Variants in OR4F15 observed in about 807,000 individuals in gnomAD.
The protein encoded by OR4F15 is olfactory receptor 4F15.
Under a neutral mutation model 11.9 loss-of-function variants are expected in OR4F15, and 7 were observed. That is an observed-to-expected ratio of 0.59 (90% confidence interval 0.33 to 1.10). The LOEUF is 1.10. Among genes scored for constraint, OR4F15 ranks in the 50% least tolerant of loss-of-function variants. The pLI, the probability that OR4F15 is intolerant of heterozygous loss-of-function variation, is 0.03. For missense variants in OR4F15, 445 were observed against 377.5 expected (o/e 1.18, Z -1.48); for synonymous variants, 151 against 134.6 (o/e 1.12, Z -0.84).
intron 1 of OR4F15, among the ~76,000 whole-genome samples, chr15:101,812,537 T>TCCAGAGA (rs1902924401): frequency 1.3e-5 from 2 of 152,132 alleles, no homozygotes; most frequent in Admixed American, 1.3e-4. Flanking sequence ...TTTGGGGAAA[T>TCCAGAGA]CTATTAGCCC....
intron 1 of OR4F15, among the ~76,000 whole-genome samples, chr15:101,816,510 G>A (rs1902991547): frequency 6.6e-6 from 1 of 151,886 alleles, no homozygotes; most frequent in South Asian, 2.1e-4. Flanking sequence ...GTGTGTGTGT[G>A]GTAAGCCACT....
chr15:101,817,809 C>T (rs527799203), intron 1 of OR4F15, among the ~76,000 whole-genome samples: 2 of 152,262 alleles, frequency 1.3e-5, no homozygotes, highest in Non-Finnish European at 2.9e-5. Flanking sequence ...AAATCATATC[C>T]ATTGATAAGA....
Position 101,818,353 on chromosome 15 carries a change from A to G in OR4F15, c.167A>G (p.His56Arg), listed in dbSNP as rs750692340. 1.2e-6 allele frequency: 2 copies of G among 1,613,882 alleles called. No homozygotes were observed. The highest frequency in any genetic ancestry group is 1.7e-6 in the Non-Finnish European group (2 of 1,179,986). The stretch of plus-strand genomic sequence containing the variant: ...ACTGTAACCATGGATGCTCATCTGC[A>G]CTCCCCCATGTATTTCCTCCTGGCT... ...VFTVTMDAHL[H>R]SPMYFLLANL... The change falls in exon 2 of 2, where the codon CAC becomes CGC. Residue 56 changes from histidine (H) to arginine (R), a missense_variant. Transcript: ENST00000332238.
At position 101,818,968 on chromosome 15, in the gene OR4F15, C is replaced by G. The variant is rs1211539537; in HGVS notation, c.782C>G (p.Pro261Arg). The change falls in exon 2 of 2, where the codon CCT (proline) becomes CGT (arginine). Residue 261 changes from proline (P) to arginine (R), a missense_variant. Coordinates refer to ENST00000332238, the MANE Select transcript of OR4F15 (RefSeq NM_001001674.2). ...FGPLMFFYTWPSPTSHLDKYL... is the reference protein window; with the variant it reads ...FGPLMFFYTWRSPTSHLDKYL... ...CCACTGATGTTTTTCTACACATGGC[C>G]TTCTCCCACATCACACCTGGATAAA... 1 of 1,614,016 alleles carries G rather than the reference C, an allele frequency of 6.2e-7. No homozygotes were observed. Among genetic ancestry groups the G allele is most frequent in the African/African-American group, 1.3e-5 (1 of 74,898 alleles).
At chr15:101,812,977 G>A (rs1003529298) in intron 1 of OR4F15, among the ~76,000 whole-genome samples, 1 of 152,176 alleles carries the variant, frequency 6.6e-6, no homozygotes, top group African/African-American at 2.4e-5. Context: ...AAGATAAAGA[G>A]GTAGAAGATG....
Position 101,818,632 on chromosome 15 carries a change from C to T in OR4F15, c.446C>T (p.Ser149Phe), listed in dbSNP as rs61737725. ...TGTCTATACTTTTTAGCCACTTCCT[C>T]TATCATTGGCCTTATCCACTCATTG... Reference protein sequence around the residue: ...RMCLYFLATSSIIGLIHSLVQ... With the variant: ...RMCLYFLATSFIIGLIHSLVQ... Residue 149 changes from serine (S) to phenylalanine (F), a missense_variant, in exon 2 of 2, where the codon TCT (serine) becomes TTT (phenylalanine). Physicochemically the swap from Ser to Phe is radical, Grantham distance 155. Transcript: ENST00000332238. 1,857 of 1,614,128 alleles carry T rather than the reference C, an allele frequency of 1.2e-3. 22 individuals carry two copies. In the African/African-American group the frequency reaches 0.021, roughly 18 times the overall value.
rs1903023659 is a variant in OR4F15, at chr15:101,818,164, A to T, written c.-23A>T. 6.7e-7 allele frequency: 1 copy of T among 1,488,942 alleles called. No individual in the cohort carries two copies. The highest frequency in any genetic ancestry group is 9.2e-7 in the Non-Finnish European group (1 of 1,081,204). The allele number at this position is 1,488,942 out of a possible 1,614,324, so 92.2% of individuals were successfully genotyped here. ...TCTTCCTTCAGGTAAGTAACATGAAAACTGATCTTGGAGTCTGAGGCAATG... is the reference window on the plus strand; with the variant it reads ...TCTTCCTTCAGGTAAGTAACATGAATACTGATCTTGGAGTCTGAGGCAATG... On this transcript the variant is annotated 5_prime_UTR_variant, in exon 2 of 2. Coordinates refer to ENST00000332238, the MANE Select transcript of OR4F15 (RefSeq NM_001001674.2).
rs768346311 is a variant in OR4F15, at chr15:101,818,138, T to G, written c.-37-12T>G. 2 of 1,212,092 alleles carry G rather than the reference T, an allele frequency of 1.7e-6. No individual in the cohort carries two copies. Among genetic ancestry groups the G allele is most frequent in the East Asian group, 2.3e-5 (1 of 42,752 alleles). 75.1% of individuals were successfully genotyped at this position (1,212,092 alleles called of 1,614,324 possible). A position where few individuals can be genotyped will look rare whatever the true frequency, so the allele number is the denominator to read the frequency against. ...CCTAGGTAATTCTTTCTCATTTTCT[T>G]TCTTCCTTCAGGTAAGTAACATGAA... On this transcript the variant is annotated splice_polypyrimidine_tract_variant and intron_variant, in intron 1 of 1. Transcript: ENST00000332238.
In OR4F15 at chr15:101,818,741, C is replaced by T. The variant is rs922091161; in HGVS notation, c.555C>T (p.Leu185=). Reference sequence around the variant, plus strand: ...TTTACTGTGATCTCCCTCGGCTCCTCAGACTTGCCTGTACCAACACCCAAG... The same window carrying T: ...TTTACTGTGATCTCCCTCGGCTCCTTAGACTTGCCTGTACCAACACCCAAG... The part of the protein sequence containing the change: ...DSFYCDLPRL[L]RLACTNTQEL... The change falls in exon 2 of 2, where the codon CTC becomes CTT. Residue 185 remains leucine, a synonymous_variant. Transcript: ENST00000332238. 12 of 1,614,054 alleles carry T rather than the reference C, an allele frequency of 7.4e-6. No individual in the cohort carries two copies. Among genetic ancestry groups the T allele is most frequent in the Non-Finnish European group, 7.6e-6 (9 of 1,180,032 alleles).
intron 1 of OR4F15, among the ~76,000 whole-genome samples, chr15:101,815,001 C>A (rs1184577017): frequency 1.3e-5 from 2 of 152,098 alleles, no homozygotes; most frequent in East Asian, 1.9e-4. Flanking sequence ...TTCATGGAAG[C>A]CTTAATAGCA....
rs373820370 is a variant in OR4F15 at position 101,819,094 on chromosome 15, G to A, written c.908G>A (p.Ser303Asn). Residue 303 changes from serine to asparagine, a missense_variant, in exon 2 of 2, where the codon AGT becomes AAT. Physicochemically the swap from Ser to Asn is conservative, Grantham distance 46. Transcript: ENST00000332238. Reference protein sequence around the residue: ...DMKVAMRRLCSRLAHFTKIL With the variant: ...DMKVAMRRLCNRLAHFTKIL ...AAAGTGGCAATGAGGAGACTGTGCAGTCGTCTTGCGCATTTTACAAAGATT... is the reference window on the plus strand; with the variant it reads ...AAAGTGGCAATGAGGAGACTGTGCAATCGTCTTGCGCATTTTACAAAGATT... The A allele has an allele frequency of 1.9e-6, 3 of 1,611,266 alleles. No homozygotes were observed. The highest frequency in any genetic ancestry group is 1.7e-6 in the Non-Finnish European group (2 of 1,178,198).
At chr15:101,814,568 C>A (rs189504933) in intron 1 of OR4F15, among the ~76,000 whole-genome samples, 1 of 151,592 alleles carries the variant, frequency 6.6e-6, no homozygotes, top group East Asian at 2.0e-4. Context: ...TATTTTGGGG[C>A]ACTGGAGCTT....
intron 1 of OR4F15, among the ~76,000 whole-genome samples, chr15:101,814,370 C>G (rs1206457945): frequency 6.6e-6 from 1 of 152,150 alleles, no homozygotes; most frequent in African/African-American, 2.4e-5. Flanking sequence ...AGTCTCATGT[C>G]TTGCATGCAT....
intron 1 of OR4F15, among the ~76,000 whole-genome samples, chr15:101,814,115 A>G (rs563946219): frequency 6.6e-6 from 1 of 152,278 alleles, no homozygotes; most frequent in East Asian, 1.9e-4. Context: ...AAATTTTTAG[A>G]TCTGCTGCCA....
intron 1 of OR4F15, 38 bp from the exon 2 acceptor site, chr15:101,818,108 ACTTG>A: frequency 1.1e-6 from 1 of 919,426 alleles, no homozygotes; most frequent in Non-Finnish European, 1.7e-6. Flanking sequence ...GAACATGAAT[ACTTG>A]CCTAGGTAAT....
chr15:101,817,310 C>CTTACTGAA lies in OR4F15; in HGVS notation c.-37-836_-37-829dup. On this transcript the variant is annotated intron_variant, in intron 1 of 1. Coordinates refer to ENST00000332238, the MANE Select transcript of OR4F15 (RefSeq NM_001001674.2). ...CTGTTAATATACTATTAATATAAAC[C>CTTACTGAA]TTACTGAATTATGAGGTACTCTCTT... Among the ~76,000 whole-genome samples, 3 of 152,166 alleles carry CTTACTGAA rather than the reference C, an allele frequency of 2.0e-5. No individual in the cohort carries two copies. The South Asian group carries it at 6.2e-4, about 32-fold the overall frequency.
In OR4F15 at chr15:101,818,752, G is replaced by A. The variant is rs1360100894; in HGVS notation, c.566G>A (p.Cys189Tyr). Residue 189 changes from cysteine (C) to tyrosine (Y), a missense_variant, in exon 2 of 2, where the codon TGT becomes TAT. Physicochemically the swap from Cys to Tyr is radical, Grantham distance 194 (BLOSUM62 -2). Coordinates refer to ENST00000332238, the MANE Select transcript of OR4F15 (RefSeq NM_001001674.2). ...CTCCCTCGGCTCCTCAGACTTGCCT[G>A]TACCAACACCCAAGAACTGGAGTTC... ...CDLPRLLRLA[C>Y]TNTQELEFMV... The A allele has an allele frequency of 1.2e-6, 2 of 1,613,988 alleles. No homozygotes were observed. The highest frequency in any genetic ancestry group is 1.3e-5 in the African/African-American group (1 of 74,924).
rs1903062581 is a variant in OR4F15, at chr15:101,819,318, A to G, written c.*193A>G. On this transcript the variant is annotated 3_prime_UTR_variant, in exon 2 of 2. Transcript: ENST00000332238. ...TTGGCACAGTGTGCATCAAAGTGCTAAATATTAAATCTTAATGTCTTTTGT... is the reference window on the plus strand; with the variant it reads ...TTGGCACAGTGTGCATCAAAGTGCTGAATATTAAATCTTAATGTCTTTTGT... The G allele has an allele frequency of 1.9e-6, 1 of 538,764 alleles. No individual in the cohort carries two copies. 33.4% of individuals were successfully genotyped at this position (538,764 alleles called of 1,614,324 possible).
intron 1 of OR4F15, among the ~76,000 whole-genome samples, chr15:101,815,287 A>G (rs1212378320): frequency 6.6e-6 from 1 of 152,182 alleles, no homozygotes; most frequent in African/African-American, 2.4e-5. Context: ...CTTGATAGAT[A>G]CAGCATAAAT....
Sources: allele counts gnomAD v4.1 joint callset (sites outside exome capture counted in the v4.1 genomes callset), GRCh38; gene constraint gnomAD v4.1.1; transcripts MANE v1.5; gene names NCBI Gene and HGNC (gene_info 2026-07-23, HGNC 2026-07-21).